NUBPL: variants seen among roughly 807,000 people sequenced by gnomAD.
NUBPL encodes the protein iron-sulfur cluster transfer protein NUBPL.
NUBPL carries 31 observed loss-of-function variants against 45.7 expected under a neutral mutation model. The observed-to-expected ratio is 0.68, with a 90% CI of 0.51 to 0.92. The LOEUF is 0.92. NUBPL is among the 40% of genes least tolerant of loss of function. NUBPL has a pLI of 0.00. For synonymous variants in NUBPL, 144 were observed against 140.9 expected, an observed-to-expected ratio of 1.02 and a Z score of -0.15; for missense variants, 401 against 398.7, an observed-to-expected ratio of 1.01 and a Z score of -0.05.
intron 6 of NUBPL, among the ~76,000 whole-genome samples, chr14:31,743,086 C>T (rs548776582): frequency 6.6e-6 from 1 of 152,246 alleles, no homozygotes; most frequent in African/African-American, 2.4e-5. Context: ...AGCTGGGTCT[C>T]TAACCTCAGT....
In NUBPL at chr14:31,835,527, C is replaced by T. The variant is rs146602501; in HGVS notation, c.693+8813C>T. ...CATTACTTAGCATAGCCTTAGCACACGGTATGGTAAAGGGTAGCTCTGAAT... is the reference window on the plus strand; with the variant it reads ...CATTACTTAGCATAGCCTTAGCACATGGTATGGTAAAGGGTAGCTCTGAAT... On this transcript the variant is annotated intron_variant, in intron 8 of 10. Transcript: ENST00000281081. Among the ~76,000 whole-genome samples the T allele has an allele frequency of 2.5e-3, 382 of 152,136 alleles. 3 individuals carry two copies. Among genetic ancestry groups the T allele is most frequent in the African/African-American group, 8.4e-3 (350 of 41,504 alleles).
intron 7 of NUBPL, among the ~76,000 whole-genome samples, chr14:31,809,526 G>T (rs4514587): frequency 0.35 from 53,469 of 151,742 alleles, 10,111 homozygotes; most frequent in South Asian, 0.44. Flanking sequence ...TATTAGTCTT[G>T]CTAGCAGTCT....
intron 6 of NUBPL, among the ~76,000 whole-genome samples, chr14:31,716,278 A>G (rs1361087711): frequency 6.6e-6 from 1 of 152,236 alleles, no homozygotes; most frequent in Non-Finnish European, 1.5e-5. Context: ...TATAGTAATG[A>G]TAAAAAGTAT....
At chr14:31,632,404 CCTT>C (rs1213171789) in intron 4 of NUBPL, among the ~76,000 whole-genome samples, 3 of 152,166 alleles carry the variant, frequency 2.0e-5, no homozygotes, top group African/African-American at 7.2e-5. Flanking sequence ...ACCCTCTCCT[CCTT>C]CTTTCTGATC....
chr14:31,649,179 A>G (rs2035936356), intron 4 of NUBPL, among the ~76,000 whole-genome samples: 1 of 152,208 alleles, frequency 6.6e-6, no homozygotes, highest in South Asian at 2.1e-4. Flanking sequence ...ATGTAAAATA[A>G]TTTGGTTAAA....
chr14:31,674,331 T>C (rs895278125), intron 6 of NUBPL, among the ~76,000 whole-genome samples: 8 of 152,242 alleles, frequency 5.3e-5, no homozygotes, highest in Non-Finnish European at 2.9e-5. Flanking sequence ...GATACTCCTA[T>C]ATTCATTTTC....
intron 7 of NUBPL, among the ~76,000 whole-genome samples, chr14:31,806,742 G>A (rs896611626): frequency 6.6e-6 from 1 of 151,896 alleles, no homozygotes; most frequent in Non-Finnish European, 1.5e-5. Context: ...ATTTACATTA[G>A]GTATTTCTAC....
intron 6 of NUBPL, among the ~76,000 whole-genome samples, chr14:31,785,427 T>A (rs1293676375): frequency 1.3e-5 from 2 of 152,164 alleles, no homozygotes; most frequent in Non-Finnish European, 1.5e-5. Flanking sequence ...TAGATTCTCA[T>A]ATGAGCACGG....
intron 6 of NUBPL, among the ~76,000 whole-genome samples, chr14:31,716,957 T>C (rs1278625946): frequency 6.6e-6 from 1 of 152,162 alleles, no homozygotes; most frequent in Non-Finnish European, 1.5e-5. Context: ...TGTCCACCCT[T>C]TTCTGTTTTT....
In NUBPL at chr14:31,798,723, C is replaced by G. The variant is rs373847894; in HGVS notation, c.607+10850C>G. On this transcript the variant is annotated intron_variant, in intron 7 of 10. Transcript: ENST00000281081. ...AGGAGAATGGCGTGAACCTGGGAGGCGGAGCTTGCAGTGAGCGGAGATCAT... is the reference window on the plus strand; with the variant it reads ...AGGAGAATGGCGTGAACCTGGGAGGGGGAGCTTGCAGTGAGCGGAGATCAT... Among the ~76,000 whole-genome samples the G allele has an allele frequency of 1.5e-3, 184 of 119,658 alleles. 4 individuals are homozygous for G. The South Asian group carries it at 0.049, about 32-fold the overall frequency. 78.5% of individuals were successfully genotyped at this position (119,658 alleles called of 152,430 possible).
chr14:31,787,301 T>G (rs564962658), intron 6 of NUBPL, among the ~76,000 whole-genome samples: 1 of 152,158 alleles, frequency 6.6e-6, no homozygotes, highest in Non-Finnish European at 1.5e-5. Flanking sequence ...GTTAATAATA[T>G]TGGGACTCAA....
chr14:31,592,612 T>TA (rs1369583227), intron 3 of NUBPL, among the ~76,000 whole-genome samples: 24 of 150,722 alleles, frequency 1.6e-4, no homozygotes, highest in African/African-American at 5.7e-4. Flanking sequence ...CTATGTTTTT[T>TA]TAAAAAAAAA....
intron 6 of NUBPL, among the ~76,000 whole-genome samples, chr14:31,694,844 G>A (rs2037178336): frequency 6.6e-6 from 1 of 152,186 alleles, no homozygotes; most frequent in African/African-American, 2.4e-5. Flanking sequence ...TATTTACTAT[G>A]TTTGGGCCAT....
intron 4 of NUBPL, among the ~76,000 whole-genome samples, chr14:31,629,843 A>G (rs551812506): frequency 6.6e-6 from 1 of 152,140 alleles, no homozygotes; most frequent in South Asian, 2.1e-4. Flanking sequence ...TCTTCCTGTC[A>G]TTCTGTGGTT....
At chr14:31,815,888 C>G (rs2039905220) in intron 7 of NUBPL, among the ~76,000 whole-genome samples, 1 of 152,174 alleles carries the variant, frequency 6.6e-6, no homozygotes, top group Non-Finnish European at 1.5e-5. Flanking sequence ...ATGAAGCCGA[C>G]TTGATAATGG....
At chr14:31,637,091 A>G (rs1312721274) in intron 4 of NUBPL, among the ~76,000 whole-genome samples, 1 of 152,092 alleles carries the variant, frequency 6.6e-6, no homozygotes, top group African/African-American at 2.4e-5. Context: ...TATTTCCTTC[A>G]GTTCTGCTCC....
chr14:31,792,626 C>T (rs1257889756), intron 7 of NUBPL, among the ~76,000 whole-genome samples: 1 of 151,702 alleles, frequency 6.6e-6, no homozygotes, highest in East Asian at 1.9e-4. Flanking sequence ...ATTTCCTACA[C>T]TGAAGTTGTA....
At chr14:31,857,704 A>G (rs1157599300) in intron 10 of NUBPL, among the ~76,000 whole-genome samples, 1 of 152,250 alleles carries the variant, frequency 6.6e-6, no homozygotes, top group East Asian at 1.9e-4. Context: ...TTGATAAAAC[A>G]TAACAAGAGT....
At chr14:31,730,463 C>CTTTT (rs1219334725) in intron 6 of NUBPL, among the ~76,000 whole-genome samples, 3 of 137,890 alleles carry the variant, frequency 2.2e-5, no homozygotes, top group Non-Finnish European at 3.2e-5. Flanking sequence ...ATCAAGTAAT[C>CTTTT]TTTTTTTTTT....
Sources: allele counts gnomAD v4.1 joint callset (sites outside exome capture counted in the v4.1 genomes callset), GRCh38; gene constraint gnomAD v4.1.1; transcripts MANE v1.5; gene names NCBI Gene and HGNC (gene_info 2026-07-23, HGNC 2026-07-21).